Variants in L3MBTL4 observed in about 807,000 individuals in gnomAD.
L3MBTL4 encodes the protein lethal(3)malignant brain tumor-like protein 4.
L3MBTL4 carries 70 observed loss-of-function variants against 84.5 expected under a neutral mutation model. The ratio of observed to expected loss-of-function variants is 0.83; its 90% CI spans 0.68 to 1.01. The LOEUF is 1.01. Ranked by LOEUF, L3MBTL4 falls within the 50% of genes least tolerant of loss-of-function variation. The pLI is 0.00. For synonymous variants in L3MBTL4, 274 were observed against 259.8 expected (o/e 1.05, Z -0.52); for missense variants, 715 against 754.8 (o/e 0.95, Z 0.62).
chr18:6,072,787 T>C (rs1423865094), intron 16 of L3MBTL4, among the ~76,000 whole-genome samples: 9 of 139,276 alleles, frequency 6.5e-5, no homozygotes, highest in Middle Eastern at 3.7e-3. Flanking sequence ...ACCCGGGAGG[T>C]GGAGCTTGCA....
At chr18:6,327,035 A>G (rs915776257) in intron 1 of L3MBTL4, among the ~76,000 whole-genome samples, 3 of 152,192 alleles carry the variant, frequency 2.0e-5, no homozygotes, top group Non-Finnish European at 2.9e-5. Flanking sequence ...AAAGAAACGC[A>G]CTATTACTAG....
chr18:6,243,226 G>C, intron 7 of L3MBTL4, 68 bp downstream of exon 7: 1 of 1,325,678 alleles, frequency 7.5e-7, no homozygotes, highest in Non-Finnish European at 1.0e-6. Flanking sequence ...ATTTCATAAA[G>C]TATTGTTAAA....
At chr18:6,056,676 C>T (rs2057037307) in intron 16 of L3MBTL4, among the ~76,000 whole-genome samples, 1 of 152,172 alleles carries the variant, frequency 6.6e-6, no homozygotes, top group Non-Finnish European at 1.5e-5. Context: ...TCCAACCCCA[C>T]TTCTAATGGC....
chr18:6,262,884 C>T lies in L3MBTL4; in HGVS notation c.219+1063G>A, dbSNP rs145906610. Among the ~76,000 whole-genome samples the T allele has an allele frequency of 1.5e-3, 222 of 152,310 alleles. 3 individuals carry two copies. The highest frequency in any genetic ancestry group is 0.01 in the Middle Eastern group (3 of 294). ...TGTCCCACTGCCATATCCAGGATTACAAATGCTGGCCCTTTCACATGCTAA... is the reference window on the plus strand; with the variant it reads ...TGTCCCACTGCCATATCCAGGATTATAAATGCTGGCCCTTTCACATGCTAA... On this transcript the variant is annotated intron_variant, in intron 5 of 18. Transcript: ENST00000317931.
intron 5 of L3MBTL4, among the ~76,000 whole-genome samples, chr18:6,251,890 T>A (rs752657292): frequency 6.6e-6 from 1 of 152,102 alleles, no homozygotes; most frequent in Non-Finnish European, 1.5e-5. Context: ...GAAGATGGCA[T>A]CAGAACACAC....
At chr18:6,005,245 C>T (rs973594183) in intron 16 of L3MBTL4, among the ~76,000 whole-genome samples, 14 of 151,704 alleles carry the variant, frequency 9.2e-5, no homozygotes, top group African/African-American at 2.9e-4. Context: ...ACTCAGGAAG[C>T]TGAAGCAGGA....
chr18:6,009,258 G>A (rs1416797123), intron 16 of L3MBTL4, among the ~76,000 whole-genome samples: 1 of 152,192 alleles, frequency 6.6e-6, no homozygotes, highest in Non-Finnish European at 1.5e-5. Flanking sequence ...TGACAGTACA[G>A]GTAGGTGTTA....
intron 1 of L3MBTL4, among the ~76,000 whole-genome samples, chr18:6,393,600 G>A (rs1037323508): frequency 6.6e-5 from 10 of 152,302 alleles, no homozygotes; most frequent in Admixed American, 3.3e-4. Context: ...AGTTGCTTAA[G>A]CCAAACACCT....
Position 6,080,880 on chromosome 18 carries a change from C to A in L3MBTL4, c.1444+1G>T. The A allele has an allele frequency of 1.3e-6, 2 of 1,598,486 alleles. No homozygotes were observed. The highest frequency in any genetic ancestry group is 1.7e-6 in the Non-Finnish European group (2 of 1,169,920). On this transcript the variant is annotated splice_donor_variant, in intron 16 of 18. Transcript: ENST00000317931. LOFTEE classifies it high-confidence loss of function. ...TGTTTTGCTAGTGTTTTTGTTTTTACCTCTGAAGAGATTATCCAAGTCAAT... is the reference window on the plus strand; with the variant it reads ...TGTTTTGCTAGTGTTTTTGTTTTTAACTCTGAAGAGATTATCCAAGTCAAT...
chr18:6,110,640 T>C (rs538482453), intron 14 of L3MBTL4, among the ~76,000 whole-genome samples: 4 of 151,656 alleles, frequency 2.6e-5, no homozygotes, highest in South Asian at 4.2e-4. Context: ...GGTGCACATG[T>C]GTATGTGTGT....
chr18:5,992,154 G>A (rs1013032417), intron 16 of L3MBTL4, among the ~76,000 whole-genome samples: 3 of 152,308 alleles, frequency 2.0e-5, no homozygotes, highest in East Asian at 1.9e-4. Flanking sequence ...AACGAGGTAC[G>A]TGCGAGGAGG....
At chr18:6,291,367 C>A (rs1196876411) in intron 4 of L3MBTL4, among the ~76,000 whole-genome samples, 1 of 152,062 alleles carries the variant, frequency 6.6e-6, no homozygotes, top group Non-Finnish European at 1.5e-5. Flanking sequence ...CCCAGTCAAC[C>A]ACAAAAGACC....
At chr18:6,296,454 C>A (rs903543883) in intron 4 of L3MBTL4, among the ~76,000 whole-genome samples, 5 of 152,068 alleles carry the variant, frequency 3.3e-5, no homozygotes, top group South Asian at 2.1e-4. Flanking sequence ...TTTTAAAAAA[C>A]CAAATTGCCC....
At chr18:6,292,507 C>T (rs1054744814) in intron 4 of L3MBTL4, among the ~76,000 whole-genome samples, 2 of 152,134 alleles carry the variant, frequency 1.3e-5, no homozygotes, top group Non-Finnish European at 2.9e-5. Flanking sequence ...TTCCTTCTGG[C>T]CTCTTTGTTA....
At chr18:6,140,871 CCTT>C (rs1023457133) in intron 13 of L3MBTL4, among the ~76,000 whole-genome samples, 1 of 151,930 alleles carries the variant, frequency 6.6e-6, no homozygotes, top group African/African-American at 2.4e-5. Flanking sequence ...GTAATTATCT[CCTT>C]CTCCTCAGGG....
In L3MBTL4 at chr18:6,327,196, C is replaced by T. The variant is rs546856860; in HGVS notation, c.-90-15140G>A. Among the ~76,000 whole-genome samples the T allele has an allele frequency of 2.0e-5, 3 of 152,274 alleles. No individual in the cohort carries two copies. The East Asian group carries it at 5.8e-4, about 29-fold the overall frequency. On this transcript the variant is annotated intron_variant, in intron 1 of 18. Coordinates refer to ENST00000317931, the MANE Select transcript of L3MBTL4 (RefSeq NM_001330559.2). ...GAGGAGGTGAAAATTGGTACAACTACTTGATGAAGCACTTGGGAATATCTA... is the reference window on the plus strand; with the variant it reads ...GAGGAGGTGAAAATTGGTACAACTATTTGATGAAGCACTTGGGAATATCTA...
intron 13 of L3MBTL4, among the ~76,000 whole-genome samples, chr18:6,154,272 T>A (rs2043011117): frequency 6.6e-6 from 1 of 152,210 alleles, no homozygotes; most frequent in Non-Finnish European, 1.5e-5. Flanking sequence ...TTTTTATATG[T>A]TTATGTACAC....
chr18:5,988,981 A>G (rs973739682), intron 16 of L3MBTL4, among the ~76,000 whole-genome samples: 3 of 152,160 alleles, frequency 2.0e-5, no homozygotes, highest in African/African-American at 7.2e-5. Flanking sequence ...GAAAGAGACA[A>G]ACTCCACCAA....
In L3MBTL4 at chr18:6,414,845, G is replaced by C. The variant is rs1407627909; in HGVS notation, c.-135C>G. 2 of 150,658 alleles carry C rather than the reference G, an allele frequency of 1.3e-5. No homozygotes were observed. The highest frequency in any genetic ancestry group is 4.9e-5 in the African/African-American group (2 of 41,236). 9.3% of individuals were successfully genotyped at this position (150,658 alleles called of 1,614,324 possible). On this transcript the variant is annotated 5_prime_UTR_variant, in exon 1 of 19. Coordinates refer to ENST00000317931, the MANE Select transcript of L3MBTL4 (RefSeq NM_001330559.2). The surrounding 1 kb of genome is among the most constrained non-coding windows in gnomAD (Gnocchi z 5.4). ...GCCCGCAACGCCGACCGAGCTACAGGCGGGGGGCGAGTCGGAGCGCGAGGT... is the reference window on the plus strand; with the variant it reads ...GCCCGCAACGCCGACCGAGCTACAGCCGGGGGGCGAGTCGGAGCGCGAGGT...
Sources: allele counts gnomAD v4.1 joint callset (sites outside exome capture counted in the v4.1 genomes callset), GRCh38; gene constraint gnomAD v4.1.1; non-coding constraint Gnocchi (gnomAD v3.1); transcripts MANE v1.5; gene names NCBI Gene and HGNC (gene_info 2026-07-23, HGNC 2026-07-21).